Variants in DAB1 observed in about 807,000 individuals in gnomAD.
DAB1 encodes the protein DAB adaptor protein 1.
DAB1 carries 15 observed loss-of-function variants against 64.6 expected under a neutral mutation model. That is an observed-to-expected ratio of 0.23 (90% CI 0.16 to 0.36). The LOEUF (loss-of-function observed/expected upper bound fraction) is 0.36. DAB1 is among the 10% of genes least tolerant of loss of function. DAB1 has a pLI of 1.00. For synonymous variants in DAB1, 235 were observed against 251.9 expected (o/e 0.93, Z 0.64); for missense variants, 596 against 706.7 (o/e 0.84, Z 1.78).
intron 3 of DAB1, among the ~76,000 whole-genome samples, chr1:58,495,892 T>C (rs150888649): frequency 2.8e-4 from 43 of 152,340 alleles, no homozygotes; most frequent in African/African-American, 9.6e-4. Context: ...TACTCTTGTA[T>C]GCCTTTTTAC....
intron 6 of DAB1, among the ~76,000 whole-genome samples, chr1:57,802,002 TG>T (rs35081046): frequency 3.3e-5 from 5 of 152,202 alleles, no homozygotes; most frequent in Non-Finnish European, 7.3e-5. Flanking sequence ...TAGAGACTAT[TG>T]GGGTGCACAC....
rs564059764 is a variant in DAB1 at position 57,492,722 on chromosome 1, G to A, written n.625+156870C>T. ...TAGCTTTAACCCTACTGGGCAAGTC[G>A]CTTTAACTCTCTGAGAGGAATAGTA... On this transcript the variant is annotated intron_variant and non_coding_transcript_variant, in intron 7 of 20. Coordinates refer to the DAB1 transcript ENST00000485760. Among the ~76,000 whole-genome samples the A allele has an allele frequency of 1.1e-4, 16 of 152,238 alleles. No homozygotes were observed. The South Asian group carries it at 2.5e-3, about 24-fold the overall frequency.
At chr1:57,136,099 G>T (rs1658056060) in intron 4 of DAB1, among the ~76,000 whole-genome samples, 1 of 152,094 alleles carries the variant, frequency 6.6e-6, no homozygotes, top group African/African-American at 2.4e-5. Flanking sequence ...TTAAGATTGA[G>T]AACTCCATTT....
At chr1:57,076,507 C>CA (rs1652005376) in intron 4 of DAB1, among the ~76,000 whole-genome samples, 1 of 152,322 alleles carries the variant, frequency 6.6e-6, no homozygotes, top group Non-Finnish European at 1.5e-5. Context: ...ATTTCAAGGA[C>CA]AATCCAGGTA....
intron 6 of DAB1, among the ~76,000 whole-genome samples, chr1:57,749,891 T>C (rs1648475118): frequency 1.3e-5 from 2 of 152,182 alleles, no homozygotes; most frequent in Non-Finnish European, 2.9e-5. Flanking sequence ...ATTTTGCAAA[T>C]GCCAGTAGCT....
intron 11 of DAB1, among the ~76,000 whole-genome samples, chr1:57,018,519 T>C (rs1426140528): frequency 1.3e-5 from 2 of 152,242 alleles, no homozygotes; most frequent in Non-Finnish European, 2.9e-5. Context: ...CTACATTATC[T>C]ATGAAATTCA....
At chr1:58,170,288 T>C (rs146430958) in intron 4 of DAB1, among the ~76,000 whole-genome samples, 1,543 of 152,286 alleles carry the variant, frequency 0.01, 24 homozygotes, top group African/African-American at 0.036. Context: ...TATTCAATGA[T>C]GTCCACCATA....
At chr1:57,295,704 AG>A (rs1335909054) in intron 1 of DAB1, among the ~76,000 whole-genome samples, 3 of 152,148 alleles carry the variant, frequency 2.0e-5, no homozygotes, top group Admixed American at 6.6e-5. Flanking sequence ...TGTTTTTCAT[AG>A]GGAGAACTGG....
intron 4 of DAB1, among the ~76,000 whole-genome samples, chr1:58,228,443 C>G (rs1272444504): frequency 3.3e-5 from 5 of 152,066 alleles, no homozygotes; most frequent in Non-Finnish European, 5.9e-5. Context: ...CCTTCCCTCC[C>G]TGGGCAATGG....
At chr1:58,541,614 C>CGGTTTAAAAAAAAAAAAAAAAAAA (rs1646617217) in intron 1 of DAB1, 1 of 65,622 alleles carries the variant, frequency 1.5e-5, no homozygotes, top group East Asian at 7.0e-4. Flanking sequence ...GAGAACCTGT[C>CGGTTTAAAAAAAAAAAAAAAAAAA]AAAAAAAAAA....
At chr1:57,894,817 AG>A (rs1218281412) in intron 5 of DAB1, among the ~76,000 whole-genome samples, 1 of 152,174 alleles carries the variant, frequency 6.6e-6, no homozygotes, top group Non-Finnish European at 1.5e-5. Flanking sequence ...GAAACACCCA[AG>A]GGTTTGTAGA....
intron 4 of DAB1, among the ~76,000 whole-genome samples, chr1:58,342,542 C>T (rs1331916334): frequency 6.6e-6 from 1 of 152,174 alleles, no homozygotes; most frequent in Non-Finnish European, 1.5e-5. Flanking sequence ...TTCTTCTGAA[C>T]TCCAAGCTCA....
intron 4 of DAB1, among the ~76,000 whole-genome samples, chr1:57,089,502 T>C (rs1260595337): frequency 2.0e-5 from 3 of 151,744 alleles, no homozygotes; most frequent in Admixed American, 2.0e-4. Flanking sequence ...GAGCTTTTAC[T>C]CATGGCGGAA....
At chr1:58,154,149 G>T (rs1030816028) in intron 4 of DAB1, among the ~76,000 whole-genome samples, 4 of 151,746 alleles carry the variant, frequency 2.6e-5, no homozygotes, top group Non-Finnish European at 5.9e-5. Context: ...ATCCTTCAAG[G>T]GCTTTCCTTT....
intron 12 of DAB1, 147 bp downstream of exon 12, chr1:57,014,736 C>T: frequency 1.8e-6 from 1 of 553,548 alleles, no homozygotes; most frequent in Non-Finnish European, 3.0e-6. Flanking sequence ...AAATTGGCAG[C>T]TCATAGTAGT....
intron 9 of DAB1, among the ~76,000 whole-genome samples, chr1:57,035,255 A>C (rs1341898456): frequency 6.6e-6 from 1 of 152,182 alleles, no homozygotes; most frequent in Non-Finnish European, 1.5e-5. Flanking sequence ...CTGGGTCATA[A>C]CTTTTAATAA....
At chr1:57,994,138 C>T (rs765032256) in intron 5 of DAB1, among the ~76,000 whole-genome samples, 6 of 152,154 alleles carry the variant, frequency 3.9e-5, no homozygotes, top group South Asian at 2.1e-4. Context: ...CAGCAAAAGG[C>T]GGAGGACAAA....
chr1:57,776,394 T>C (rs577706431), intron 6 of DAB1, among the ~76,000 whole-genome samples: 90 of 151,980 alleles, frequency 5.9e-4, no homozygotes, highest in African/African-American at 2.1e-3. Flanking sequence ...GTTTTGCTTT[T>C]AATCATCTCT....
chr1:57,259,741 T>C (rs1670039711), intron 2 of DAB1, among the ~76,000 whole-genome samples: 2 of 152,190 alleles, frequency 1.3e-5, no homozygotes, highest in South Asian at 2.1e-4. Flanking sequence ...TAAGAGGAAC[T>C]CTTCCCTCTG....
Sources: gnomAD v4.1 joint callset for allele counts (sites outside exome capture counted in the v4.1 genomes callset) on GRCh38, gnomAD v4.1.1 for gene constraint, MANE v1.5 for transcripts, NCBI Gene and HGNC (gene_info 2026-07-23, HGNC 2026-07-21) for gene names.